SH3RF3: variants seen among roughly 807,000 people sequenced by gnomAD.
SH3RF3 encodes the protein SH3 domain containing ring finger 3.
SH3RF3 carries 29 observed loss-of-function variants against 66.3 expected under a neutral mutation model. That is an observed-to-expected ratio of 0.44 (90% confidence interval 0.33 to 0.60). SH3RF3 has a LOEUF of 0.60. SH3RF3 is among the 20% of genes least tolerant of loss of function. The pLI, the probability that SH3RF3 is intolerant of heterozygous loss-of-function variation, is 0.04. For synonymous variants in SH3RF3, 583 were observed against 532.0 expected (o/e 1.10, Z -1.32); for missense variants, 1,194 against 1,190.9 (o/e 1.00, Z -0.04).
chr2:109,280,678 AC>A (rs1333427229), intron 1 of SH3RF3, among the ~76,000 whole-genome samples: 2 of 152,158 alleles, frequency 1.3e-5, no homozygotes, highest in East Asian at 1.9e-4. Context: ...AATGTAAACA[AC>A]CTTTCTGCTT....
At chr2:109,443,366 A>C (rs971173153) in intron 7 of SH3RF3, among the ~76,000 whole-genome samples, 4 of 152,130 alleles carry the variant, frequency 2.6e-5, no homozygotes, top group African/African-American at 9.7e-5. Flanking sequence ...TCCTCCTGTC[A>C]TCTCTGTGTG....
At chr2:109,365,622 C>T (rs964023851) in intron 2 of SH3RF3, among the ~76,000 whole-genome samples, 1 of 152,138 alleles carries the variant, frequency 6.6e-6, no homozygotes, top group Non-Finnish European at 1.5e-5. Context: ...TGCTAATACA[C>T]CTTTAACAAC....
intron 1 of SH3RF3, among the ~76,000 whole-genome samples, chr2:109,158,004 G>A (rs1187207943): frequency 6.6e-6 from 1 of 152,176 alleles, no homozygotes; most frequent in East Asian, 1.9e-4. Flanking sequence ...TGAGCCCGTG[G>A]TATGTTCTAG....
At chr2:109,163,650 C>T (rs886500558) in intron 1 of SH3RF3, among the ~76,000 whole-genome samples, 8 of 151,954 alleles carry the variant, frequency 5.3e-5, no homozygotes, top group Non-Finnish European at 8.8e-5. Flanking sequence ...CCGCCCGCCT[C>T]GGCCTCCCAA....
At chr2:109,306,023 G>C (rs1393845718) in intron 1 of SH3RF3, among the ~76,000 whole-genome samples, 1 of 152,264 alleles carries the variant, frequency 6.6e-6, no homozygotes, top group Non-Finnish European at 1.5e-5. Flanking sequence ...GACTTCAGGA[G>C]TGATTCGCTG....
At chr2:109,461,941 T>A (rs1678216823) in intron 8 of SH3RF3, among the ~76,000 whole-genome samples, 1 of 152,266 alleles carries the variant, frequency 6.6e-6, no homozygotes, top group East Asian at 1.9e-4. Context: ...CTCACCTTTT[T>A]AACTCTGGCT....
intron 1 of SH3RF3, among the ~76,000 whole-genome samples, chr2:109,336,885 C>T (rs953543508): frequency 1.3e-5 from 2 of 152,190 alleles, no homozygotes; most frequent in African/African-American, 4.8e-5. Context: ...GAATTCTGCT[C>T]AGTTCCTCCT....
At chr2:109,494,271 G>A (rs1051952999) in intron 9 of SH3RF3, among the ~76,000 whole-genome samples, 1 of 150,440 alleles carries the variant, frequency 6.6e-6, no homozygotes, top group East Asian at 2.0e-4. Context: ...CTAATCAGGG[G>A]TCATTGTACC....
At chr2:109,201,617 C>G (rs145240940) in intron 1 of SH3RF3, among the ~76,000 whole-genome samples, 1 of 152,226 alleles carries the variant, frequency 6.6e-6, no homozygotes, top group Admixed American at 6.5e-5. Context: ...CCGGGCCTCT[C>G]ACAGCATGGC....
intron 2 of SH3RF3, among the ~76,000 whole-genome samples, chr2:109,354,581 C>T (rs924798743): frequency 7.2e-5 from 11 of 152,226 alleles, no homozygotes; most frequent in Admixed American, 6.5e-4. Context: ...TTTCAGTGAT[C>T]GTGGCATTTC....
At chr2:109,432,302 C>A (rs969335443) in intron 5 of SH3RF3, among the ~76,000 whole-genome samples, 199 bp from the exon 6 acceptor site, 6 of 152,170 alleles carry the variant, frequency 3.9e-5, no homozygotes, top group Non-Finnish European at 8.8e-5. Flanking sequence ...TCCCCGAAGG[C>A]TCCCTGCCTC....
intron 1 of SH3RF3, among the ~76,000 whole-genome samples, chr2:109,197,683 A>G (rs2105048876): frequency 6.6e-6 from 1 of 152,340 alleles, no homozygotes; most frequent in African/African-American, 2.4e-5. Context: ...TGGGACAGTA[A>G]GCCTGCCAGG....
chr2:109,436,710 A>G (rs1181258709), intron 6 of SH3RF3, among the ~76,000 whole-genome samples, 183 bp from the exon 7 acceptor site: 1 of 152,210 alleles, frequency 6.6e-6, no homozygotes, highest in African/African-American at 2.4e-5. Context: ...TTTGCACCCC[A>G]TGAAGGTTTT....
intron 2 of SH3RF3, among the ~76,000 whole-genome samples, chr2:109,370,211 CTCTG>C (rs1403483198): frequency 3.6e-4 from 54 of 149,426 alleles, no homozygotes; most frequent in African/African-American, 1.3e-3. Flanking sequence ...CTGTCTCTGT[CTCTG>C]TCTCTGTCTC....
At position 109,394,706 on chromosome 2, in the gene SH3RF3, C is replaced by T. The variant is rs116142217; in HGVS notation, c.946-3884C>T. Among the ~76,000 whole-genome samples, 1,056 of 152,320 alleles carry T rather than the reference C, an allele frequency of 6.9e-3. 9 individuals are homozygous for T. Among genetic ancestry groups the T allele is most frequent in the African/African-American group, 0.024 (1,009 of 41,554 alleles). ...GACGTCCACCTGATAAACAAGGTGACGCCACATGCAGATAGAGCCACTGGA... is the reference window on the plus strand; with the variant it reads ...GACGTCCACCTGATAAACAAGGTGATGCCACATGCAGATAGAGCCACTGGA... On this transcript the variant is annotated intron_variant, in intron 3 of 9. Transcript: ENST00000309415.
intron 9 of SH3RF3, among the ~76,000 whole-genome samples, chr2:109,496,485 C>T (rs1370238323): frequency 6.6e-6 from 1 of 152,222 alleles, no homozygotes; most frequent in East Asian, 1.9e-4. Flanking sequence ...TTCACTATGA[C>T]CTCTCTAATA....
rs559507738 is a variant in SH3RF3 at position 109,303,171 on chromosome 2, C to T, written c.574-44503C>T. On this transcript the variant is annotated intron_variant, in intron 1 of 9. Coordinates refer to ENST00000309415, the MANE Select transcript of SH3RF3 (RefSeq NM_001099289.3). ...GACTGCAGGCGTGAGCCACCGCGCC[C>T]GGCCGATCTCCTTAGTTTTTAAACT... Among the ~76,000 whole-genome samples, 372 of 152,308 alleles carry T rather than the reference C, an allele frequency of 2.4e-3. 2 individuals carry two copies. Among genetic ancestry groups the T allele is most frequent in the Non-Finnish European group, 3.8e-3 (261 of 68,032 alleles).
intron 4 of SH3RF3, among the ~76,000 whole-genome samples, chr2:109,400,155 G>A (rs1176878953): frequency 2.0e-5 from 3 of 152,158 alleles, no homozygotes; most frequent in Non-Finnish European, 4.4e-5. Context: ...AGCTTCTGGA[G>A]AAGGGCCATG....
At chr2:109,495,964 G>T (rs1406191189) in intron 9 of SH3RF3, among the ~76,000 whole-genome samples, 1 of 152,190 alleles carries the variant, frequency 6.6e-6, no homozygotes, top group Non-Finnish European at 1.5e-5. Flanking sequence ...TTCCTGGTGG[G>T]TTCGTGGTCT....
Sources: gnomAD v4.1 joint callset for allele counts (sites outside exome capture counted in the v4.1 genomes callset) on GRCh38, gnomAD v4.1.1 for gene constraint, MANE v1.5 for transcripts, NCBI Gene and HGNC (gene_info 2026-07-23, HGNC 2026-07-21) for gene names.